Variants in FRMD6 observed in about 807,000 individuals in gnomAD.
FRMD6 encodes FERM domain containing 6, also known as FERM domain-containing protein 6.
FRMD6 carries 37 observed loss-of-function variants against 73.2 expected under a neutral mutation model. The ratio of observed to expected loss-of-function variants is 0.51; its 90% CI spans 0.39 to 0.66. The LOEUF (loss-of-function observed/expected upper bound fraction) is 0.66. FRMD6 is among the 30% of genes least tolerant of loss of function. FRMD6 has a pLI of 0.00. For missense variants in FRMD6, 714 were observed against 780.5 expected (o/e 0.91, Z 1.02); for synonymous variants, 273 against 282.2 (o/e 0.97, Z 0.33).
At chr14:51,466,297 C>T in the FRMD6 span, among the ~76,000 whole-genome samples, 1 of 152,248 alleles carries the variant, frequency 6.6e-6, no homozygotes, top group African/African-American at 2.4e-5. Context: ...TTTTGTAATT[C>T]ATGCTTTTTG....
the FRMD6 span, among the ~76,000 whole-genome samples, chr14:51,459,644 G>A: frequency 6.6e-6 from 1 of 151,866 alleles, no homozygotes; most frequent in Non-Finnish European, 1.5e-5. Flanking sequence ...TGGCTAACAT[G>A]GCGAAACCCC....
At chr14:51,436,837 AGAT>A in the FRMD6 span, 46,771 of 577,496 alleles carry the variant, frequency 0.081, 3,288 homozygotes, top group Non-Finnish European at 0.098. Flanking sequence ...GAGAAGGAGA[AGAT>A]GATGATGAAG....
At chr14:51,494,673 C>A (rs754055078) in intron 1 of FRMD6, among the ~76,000 whole-genome samples, 1 of 152,152 alleles carries the variant, frequency 6.6e-6, no homozygotes, top group Non-Finnish European at 1.5e-5. Context: ...GCAGCCTCAC[C>A]CCCATGGCTG....
At chr14:51,582,134 C>T (rs1388425567) in intron 2 of FRMD6, among the ~76,000 whole-genome samples, 1 of 152,182 alleles carries the variant, frequency 6.6e-6, no homozygotes, top group Non-Finnish European at 1.5e-5. Flanking sequence ...AAAGTGGAAG[C>T]CTATGCTATT....
At chr14:51,661,817 A>G (rs1019483344) in intron 1 of FRMD6, among the ~76,000 whole-genome samples, 1 of 152,360 alleles carries the variant, frequency 6.6e-6, no homozygotes, top group Non-Finnish European at 1.5e-5. Flanking sequence ...TTTATGAAAG[A>G]TAACTATTAC....
intron 1 of FRMD6, among the ~76,000 whole-genome samples, chr14:51,523,136 AC>A (rs1487994484): frequency 2.0e-5 from 3 of 152,336 alleles, no homozygotes; most frequent in Non-Finnish European, 2.9e-5. Flanking sequence ...CAGGAAAAAA[AC>A]ATTTAAACAT....
intron 2 of FRMD6, among the ~76,000 whole-genome samples, chr14:51,608,244 C>A (rs1035877699): frequency 6.6e-6 from 1 of 152,126 alleles, no homozygotes; most frequent in Admixed American, 6.5e-5. Flanking sequence ...GGCTTGGGAT[C>A]CTTTGCCAGA....
chr14:51,461,775 T>C, the FRMD6 span, among the ~76,000 whole-genome samples: 2 of 152,242 alleles, frequency 1.3e-5, no homozygotes, highest in Admixed American at 1.3e-4. Context: ...AAGGTAGTGA[T>C]GAATTGGAGA....
the FRMD6 span, among the ~76,000 whole-genome samples, chr14:51,477,606 T>A: frequency 1.1e-4 from 17 of 152,162 alleles, no homozygotes; most frequent in Admixed American, 2.6e-4. Flanking sequence ...TGAAAAAAAA[T>A]TTAAGTATTA....
chr14:51,642,541 GTAAATAAA>G (rs1408100428), intron 2 of FRMD6, among the ~76,000 whole-genome samples: 1 of 152,072 alleles, frequency 6.6e-6, no homozygotes, highest in Non-Finnish European at 1.5e-5. Context: ...CATCTCCTAA[GTAAATAAA>G]TAAATAAATA....
intron 1 of FRMD6, among the ~76,000 whole-genome samples, chr14:51,688,598 A>G (rs1027731592): frequency 6.6e-6 from 1 of 152,186 alleles, no homozygotes; most frequent in Non-Finnish European, 1.5e-5. Context: ...CACCTAGTAA[A>G]ACAGTTCCAT....
At chr14:51,693,885 CT>C (rs1566571129) in intron 2 of FRMD6, among the ~76,000 whole-genome samples, 1 of 152,176 alleles carries the variant, frequency 6.6e-6, no homozygotes, top group African/African-American at 2.4e-5. Context: ...GGCTTCCCCA[CT>C]ACCAGAAAAA....
intron 1 of FRMD6, among the ~76,000 whole-genome samples, chr14:51,687,787 A>G (rs1263015889): frequency 6.6e-6 from 1 of 152,122 alleles, no homozygotes; most frequent in African/African-American, 2.4e-5. Flanking sequence ...ACCTTTGACA[A>G]TGTTGAGGAC....
chr14:51,704,531 T>C (rs1896512160), intron 5 of FRMD6: 1 of 480,098 alleles, frequency 2.1e-6, no homozygotes, highest in African/African-American at 1.9e-5. Flanking sequence ...GTTATTTTTA[T>C]TGTCTGGATA....
At position 51,656,096 on chromosome 14, in the gene FRMD6, A is replaced by G. The variant is rs530595141; in HGVS notation, c.-147+4100A>G. Among the ~76,000 whole-genome samples, 95 of 152,390 alleles carry G rather than the reference A, an allele frequency of 6.2e-4. No homozygotes were observed. In the South Asian group the frequency reaches 9.5e-3, roughly 15 times the overall value. ...TATTATGAAGTTTTAGGTAGAAACA[A>G]GCAATCTGTGCTTCTCATTACTTTA... On this transcript the variant is annotated intron_variant, in intron 1 of 13. Transcript: ENST00000344768.
chr14:51,644,044 T>C (rs1359982585), intron 2 of FRMD6, among the ~76,000 whole-genome samples: 2 of 152,102 alleles, frequency 1.3e-5, no homozygotes, highest in African/African-American at 2.4e-5. Context: ...ACATCAAAAA[T>C]AGGTAATCCT....
intron 2 of FRMD6, among the ~76,000 whole-genome samples, chr14:51,627,050 A>G (rs568662531): frequency 1.3e-5 from 2 of 152,352 alleles, no homozygotes; most frequent in Non-Finnish European, 2.9e-5. Context: ...TCTGATATTT[A>G]GTCGATTCAC....
intron 2 of FRMD6, among the ~76,000 whole-genome samples, chr14:51,605,149 T>TA (rs1446522234): frequency 2.0e-5 from 3 of 149,342 alleles, no homozygotes; most frequent in Non-Finnish European, 4.5e-5. Context: ...CTTTTTTTTT[T>TA]TTTTTTTTTA....
intron 4 of FRMD6, among the ~76,000 whole-genome samples, chr14:51,702,170 T>C (rs146973137): frequency 1.0e-3 from 152 of 152,142 alleles, no homozygotes; most frequent in African/African-American, 3.6e-3. Context: ...GAGCAAATGG[T>C]CACCACAGGG....
Sources: allele counts gnomAD v4.1 joint callset (sites outside exome capture counted in the v4.1 genomes callset), GRCh38; gene constraint gnomAD v4.1.1; transcripts MANE v1.5; gene names NCBI Gene and HGNC (gene_info 2026-07-23, HGNC 2026-07-21).